LARP4B: variants seen among roughly 807,000 people sequenced by gnomAD.
The protein encoded by LARP4B is la-related protein 4B.
Under a neutral mutation model 89.8 loss-of-function variants are expected in LARP4B, and 12 were observed. The ratio of observed to expected loss-of-function variants is 0.13; its 90% CI spans 0.09 to 0.22. The LOEUF (loss-of-function observed/expected upper bound fraction) is 0.22. Ranked by LOEUF, LARP4B falls within the 10% of genes least tolerant of loss-of-function variation. The probability of loss-of-function intolerance (pLI) is 1.00; values close to 1 mark genes in which losing one functional copy is unlikely to be tolerated. For synonymous variants in LARP4B, 367 were observed against 363.3 expected, an observed-to-expected ratio of 1.01 and a Z score of -0.12; for missense variants, 757 against 947.7, an observed-to-expected ratio of 0.80 and a Z score of 2.64.
At chr10:974,295 G>A in the LARP4B span, among the ~76,000 whole-genome samples, 3 of 152,086 alleles carry the variant, frequency 2.0e-5, no homozygotes, top group Admixed American at 1.3e-4. Context: ...CGGGTGGGAA[G>A]GGATTTTCCC....
chr10:863,955 T>C, intron 4 of LARP4B, 72 bp from the exon 5 acceptor site: 1 of 1,567,574 alleles, frequency 6.4e-7, no homozygotes, highest in Non-Finnish European at 8.6e-7. Flanking sequence ...AGCTTACACT[T>C]GCAGTGACTC....
downstream of LARP4B, chr10:808,952 T>C (rs1243681600): frequency 6.6e-6 from 1 of 152,162 alleles, no homozygotes; most frequent in Non-Finnish European, 1.5e-5. Flanking sequence ...AAAATATTTG[T>C]AACATATATG....
At chr10:878,928 T>C (rs1835565350) in intron 3 of LARP4B, among the ~76,000 whole-genome samples, 1 of 152,252 alleles carries the variant, frequency 6.6e-6, no homozygotes, top group Non-Finnish European at 1.5e-5. Flanking sequence ...ACTAATTTTT[T>C]TAAAGAAATT....
intron 1 of LARP4B, among the ~76,000 whole-genome samples, chr10:914,849 A>T (rs1836777045): frequency 6.8e-6 from 1 of 147,984 alleles, no homozygotes; most frequent in African/African-American, 2.5e-5. Flanking sequence ...AAAAAAAAAG[A>T]GGTATAGGTC....
chr10:951,238 C>T, the LARP4B span, among the ~76,000 whole-genome samples: 1 of 152,168 alleles, frequency 6.6e-6, no homozygotes, highest in Non-Finnish European at 1.5e-5. Flanking sequence ...GGAAGCTTCC[C>T]TTTATTTCTA....
chr10:948,557 C>T, the LARP4B span, among the ~76,000 whole-genome samples: 55 of 152,358 alleles, frequency 3.6e-4, no homozygotes, highest in Admixed American at 1.8e-3. Flanking sequence ...TCAGTGGTCG[C>T]GTCTTGCACA....
chr10:868,763 G>C (rs1254355510), intron 3 of LARP4B, among the ~76,000 whole-genome samples: 1 of 152,206 alleles, frequency 6.6e-6, no homozygotes, highest in African/African-American at 2.4e-5. Flanking sequence ...GAGGTTGATG[G>C]ATCATTCCTT....
At chr10:967,009 G>C in the LARP4B span, among the ~76,000 whole-genome samples, 3 of 152,224 alleles carry the variant, frequency 2.0e-5, no homozygotes, top group African/African-American at 7.2e-5. Flanking sequence ...TCCTTTGAGG[G>C]ATCTCATTCA....
At chr10:895,599 G>C (rs1171214507) in intron 1 of LARP4B, among the ~76,000 whole-genome samples, 1 of 151,454 alleles carries the variant, frequency 6.6e-6, no homozygotes, top group Non-Finnish European at 1.5e-5. Flanking sequence ...CTTGAATCCA[G>C]GAGGTGGAGA....
chr10:930,066 G>A lies in LARP4B; in HGVS notation c.-40+1362C>T, dbSNP rs192526081. On this transcript the variant is annotated intron_variant, in intron 1 of 17. Coordinates refer to ENST00000316157, the MANE Select transcript of LARP4B (RefSeq NM_015155.3). ...ACCCTGACTGTAATGAGGGGCGCCAGGCAGGTTGGGGAAGTATGGAAATTG... is the reference window on the plus strand; with the variant it reads ...ACCCTGACTGTAATGAGGGGCGCCAAGCAGGTTGGGGAAGTATGGAAATTG... Among the ~76,000 whole-genome samples, 21 of 151,882 alleles carry A rather than the reference G, an allele frequency of 1.4e-4. No individual in the cohort carries two copies. In the East Asian group the frequency reaches 3.5e-3, roughly 25 times the overall value.
intron 5 of LARP4B, among the ~76,000 whole-genome samples, chr10:862,561 C>A (rs1481492725): frequency 6.6e-6 from 1 of 152,088 alleles, no homozygotes; most frequent in Non-Finnish European, 1.5e-5. Flanking sequence ...GAGATCGAGA[C>A]CATCCTGGCT....
At chr10:857,961 C>T (rs1039469663) in intron 5 of LARP4B, among the ~76,000 whole-genome samples, 1 of 152,130 alleles carries the variant, frequency 6.6e-6, no homozygotes, top group Non-Finnish European at 1.5e-5. Flanking sequence ...GGGTGCTTGG[C>T]ATCACTAACC....
At chr10:828,845 A>T (rs1832752325) in intron 11 of LARP4B, among the ~76,000 whole-genome samples, 1 of 152,216 alleles carries the variant, frequency 6.6e-6, no homozygotes, top group Non-Finnish European at 1.5e-5. Flanking sequence ...AATGCACTTG[A>T]TCTTTCAAGC....
upstream of LARP4B, among the ~76,000 whole-genome samples, chr10:935,673 C>T (rs138267673): frequency 2.0e-5 from 3 of 151,448 alleles, no homozygotes; most frequent in Admixed American, 2.0e-4. Flanking sequence ...GCCTACATTT[C>T]AAGTGGTGTC....
chr10:833,282 A>AAAC, intron 8 of LARP4B, among the ~76,000 whole-genome samples: 1 of 146,416 alleles, frequency 6.8e-6, no homozygotes, highest in East Asian at 2.0e-4. Flanking sequence ...AAAAAAAAAA[A>AAAC]AACCTCAAAA....
chr10:945,663 G>A, the LARP4B span, among the ~76,000 whole-genome samples: 4 of 151,080 alleles, frequency 2.6e-5, no homozygotes, highest in Admixed American at 2.0e-4. Flanking sequence ...ACTCCAGCCT[G>A]GGCAACAGAG....
At chr10:858,094 A>G (rs866846609) in intron 5 of LARP4B, among the ~76,000 whole-genome samples, 8 of 152,314 alleles carry the variant, frequency 5.3e-5, no homozygotes, top group Middle Eastern at 6.8e-3. Context: ...TTTTAAGCTT[A>G]AACTCCTACT....
At position 814,647 on chromosome 10, in the gene LARP4B, G is replaced by A. The variant is rs1831929531; in HGVS notation, c.1929+95C>T. 6.4e-7 allele frequency: 1 copy of A among 1,550,902 alleles called. No individual in the cohort carries two copies. The highest frequency in any genetic ancestry group is 1.4e-5 in the African/African-American group (1 of 73,040). ...CAAATAAAAACCCACCAAATTAGAT[G>A]TGATTAAAAAACGAGCAGGTGCAGG... On this transcript the variant is annotated intron_variant, in intron 17 of 17. Coordinates refer to ENST00000316157, the MANE Select transcript of LARP4B (RefSeq NM_015155.3). The surrounding 1 kb of genome is among the most constrained non-coding windows in gnomAD (Gnocchi z 4.4).
Position 886,728 on chromosome 10 carries a change from C to A in LARP4B, c.-39-968G>T, listed in dbSNP as rs578218100. Among the ~76,000 whole-genome samples, 5 of 152,332 alleles carry A rather than the reference C, an allele frequency of 3.3e-5. No individual in the cohort carries two copies. The South Asian group carries it at 1.0e-3, about 32-fold the overall frequency. On this transcript the variant is annotated intron_variant, in intron 1 of 17. Coordinates refer to ENST00000316157, the MANE Select transcript of LARP4B (RefSeq NM_015155.3). ...ACACACCAGCACAAAAACACAAATA[C>A]TGCATGATCTCACTCATATGTGAAA...
Sources: gnomAD v4.1 joint callset for allele counts (sites outside exome capture counted in the v4.1 genomes callset) on GRCh38, gnomAD v4.1.1 for gene constraint, Gnocchi (gnomAD v3.1) non-coding constraint, MANE v1.5 for transcripts, NCBI Gene and HGNC (gene_info 2026-07-23, HGNC 2026-07-21) for gene names.